Variants in MKLN1 observed in about 807,000 individuals in gnomAD.
MKLN1 encodes muskelin.
A neutral mutation model predicts 99.0 loss-of-function variants in MKLN1; 18 were observed. The ratio of observed to expected loss-of-function variants is 0.18; its 90% CI spans 0.13 to 0.27. The LOEUF is 0.27. MKLN1 is among the 10% of genes least tolerant of loss of function. MKLN1 has a pLI of 1.00. For missense variants in MKLN1, 621 were observed against 875.9 expected (o/e 0.71, Z 3.67); for synonymous variants, 288 against 293.2 (o/e 0.98, Z 0.18).
chr7:131,241,313 G>A (rs1235359805), intron 3 of MKLN1, among the ~76,000 whole-genome samples: 2 of 148,210 alleles, frequency 1.3e-5, no homozygotes, highest in African/African-American at 5.0e-5. Context: ...GGGAGGCAGA[G>A]ATTGCAGTGA....
chr7:131,136,499 C>G (rs898943460), intron 1 of MKLN1, among the ~76,000 whole-genome samples: 4 of 152,090 alleles, frequency 2.6e-5, no homozygotes, highest in African/African-American at 4.8e-5. Flanking sequence ...TAGACCAGAC[C>G]CAGACTTTGA....
chr7:131,283,331 T>C (rs61117465), intron 3 of MKLN1, among the ~76,000 whole-genome samples: 339 of 19,902 alleles, frequency 0.017, 18 homozygotes, highest in African/African-American at 0.071. Flanking sequence ...CCCTCCCTCC[T>C]TCCCTTCCCT....
At chr7:131,463,515 T>G in intron 13 of MKLN1, 151 bp downstream of exon 13, 35 of 713,668 alleles carry the variant, frequency 4.9e-5, no homozygotes, top group Non-Finnish European at 6.1e-5. Flanking sequence ...TATCGGTACC[T>G]ATGTATACAA....
intron 15 of MKLN1, among the ~76,000 whole-genome samples, chr7:131,468,715 C>T (rs921569692): frequency 2.6e-5 from 4 of 152,096 alleles, no homozygotes; most frequent in Non-Finnish European, 5.9e-5. Context: ...CAGGGCAGAA[C>T]TGTTGATTAA....
intron 6 of MKLN1, among the ~76,000 whole-genome samples, chr7:131,410,352 G>C (rs1309312004): frequency 2.6e-5 from 4 of 152,144 alleles, no homozygotes. Flanking sequence ...AAACGGAGAT[G>C]ATAATGTGTA....
chr7:131,240,068 CT>C (rs1256645179), intron 3 of MKLN1, among the ~76,000 whole-genome samples: 4 of 152,030 alleles, frequency 2.6e-5, no homozygotes, highest in African/African-American at 9.7e-5. Flanking sequence ...TTAGTCCCAG[CT>C]ACTTGGCAGG....
chr7:131,481,084 C>G (rs527843887), intron 17 of MKLN1, among the ~76,000 whole-genome samples: 1 of 152,136 alleles, frequency 6.6e-6, no homozygotes, highest in African/African-American at 2.4e-5. Flanking sequence ...ACAATACAAA[C>G]ACAAAAAGAG....
chr7:131,264,629 T>C (rs1304943694), intron 3 of MKLN1, among the ~76,000 whole-genome samples: 1 of 152,154 alleles, frequency 6.6e-6, no homozygotes, highest in Non-Finnish European at 1.5e-5. Flanking sequence ...CCTATATTTT[T>C]GGGTCCCCGG....
intron 2 of MKLN1, among the ~76,000 whole-genome samples, chr7:131,164,137 G>C (rs1440785438): frequency 6.6e-6 from 1 of 152,042 alleles, no homozygotes; most frequent in Non-Finnish European, 1.5e-5. Flanking sequence ...CTTGAGACAG[G>C]GTCTCACTCT....
intron 12 of MKLN1, among the ~76,000 whole-genome samples, chr7:131,449,744 T>G (rs1230577923): frequency 1.3e-5 from 2 of 152,078 alleles, no homozygotes; most frequent in African/African-American, 4.8e-5. Flanking sequence ...TCCCCCAACT[T>G]TCTCTCTCCT....
intron 3 of MKLN1, among the ~76,000 whole-genome samples, chr7:131,241,348 A>G (rs1026012073): frequency 4.7e-5 from 7 of 148,998 alleles, no homozygotes; most frequent in Non-Finnish European, 8.9e-5. Context: ...ACTGCACTCC[A>G]GCCTGGAAGA....
chr7:131,373,106 C>T (rs903801219), intron 1 of MKLN1, among the ~76,000 whole-genome samples: 2 of 151,836 alleles, frequency 1.3e-5, no homozygotes, highest in African/African-American at 4.8e-5. Context: ...TTTTTGCTAT[C>T]GATTAAATTT....
At chr7:131,384,949 T>C (rs980563185) in intron 2 of MKLN1, among the ~76,000 whole-genome samples, 1 of 152,232 alleles carries the variant, frequency 6.6e-6, no homozygotes, top group Non-Finnish European at 1.5e-5. Flanking sequence ...TTAGTGCATT[T>C]ACAGAATTGA....
chr7:131,271,274 T>C (rs1358404391), intron 3 of MKLN1, among the ~76,000 whole-genome samples: 2 of 151,780 alleles, frequency 1.3e-5, no homozygotes, highest in Non-Finnish European at 2.9e-5. Flanking sequence ...GTCTGAAGGG[T>C]GAATAAACCT....
chr7:131,420,042 A>G (rs1334505507), intron 8 of MKLN1, among the ~76,000 whole-genome samples: 6 of 152,190 alleles, frequency 3.9e-5, no homozygotes, highest in Non-Finnish European at 8.8e-5. Context: ...TAATGTTGAA[A>G]ATTGGTCACA....
intron 2 of MKLN1, among the ~76,000 whole-genome samples, chr7:131,154,097 C>A (rs1795930433): frequency 6.6e-6 from 1 of 152,052 alleles, no homozygotes; most frequent in Non-Finnish European, 1.5e-5. Flanking sequence ...TATATACATA[C>A]ACGCATATAT....
chr7:131,228,967 T>A (rs922815263), intron 3 of MKLN1, among the ~76,000 whole-genome samples: 7 of 152,046 alleles, frequency 4.6e-5, no homozygotes, highest in African/African-American at 1.4e-4. Context: ...ACCCAAGAAT[T>A]ATTGAGTAAG....
At chr7:131,333,727 G>A (rs912321347) in intron 1 of MKLN1, among the ~76,000 whole-genome samples, 2 of 152,004 alleles carry the variant, frequency 1.3e-5, no homozygotes, top group African/African-American at 2.4e-5. Context: ...TAGTAGAGAC[G>A]GGGTTTCTCC....
chr7:131,255,471 A>C (rs1040155851), intron 3 of MKLN1, among the ~76,000 whole-genome samples: 1 of 152,264 alleles, frequency 6.6e-6, no homozygotes, highest in South Asian at 2.1e-4. Context: ...GACTTTCTCC[A>C]AGAACAATGG....
Sources: gnomAD v4.1 joint callset for allele counts (sites outside exome capture counted in the v4.1 genomes callset) on GRCh38, gnomAD v4.1.1 for gene constraint, MANE v1.5 for transcripts, NCBI Gene and HGNC (gene_info 2026-07-23, HGNC 2026-07-21) for gene names.